PDGFRL: variants seen among roughly 807,000 people sequenced by gnomAD.
PDGFRL encodes the protein platelet-derived growth factor receptor-like protein.
A neutral mutation model predicts 37.2 loss-of-function variants in PDGFRL; 46 were observed. The ratio of observed to expected loss-of-function variants is 1.24; its 90% CI spans 0.98 to 1.58. PDGFRL has a LOEUF of 1.58. Ranked by LOEUF, PDGFRL falls within the 40% of genes most tolerant of loss-of-function variation. The probability of loss-of-function intolerance (pLI) is 0.00; values close to 1 mark genes in which losing one functional copy is unlikely to be tolerated. For synonymous variants in PDGFRL, 251 were observed against 184.3 expected (o/e 1.36, Z -2.93); for missense variants, 692 against 467.6 (o/e 1.48, Z -4.43).
At chr8:17,594,355 C>A (rs2464558) in intron 2 of PDGFRL, among the ~76,000 whole-genome samples, 5,145 of 151,302 alleles carry the variant, frequency 0.034, 219 homozygotes, top group African/African-American at 0.1. Context: ...ATTCTCCTGC[C>A]TCAGCCTCCC....
chr8:17,605,250 A>T (rs916936970), intron 2 of PDGFRL, among the ~76,000 whole-genome samples: 4 of 152,148 alleles, frequency 2.6e-5, no homozygotes, highest in African/African-American at 7.2e-5. Context: ...GAAGAAAGAC[A>T]ATGTCTCTTC....
At chr8:17,593,901 GAAAAA>G (rs374981787) in intron 2 of PDGFRL, among the ~76,000 whole-genome samples, 1 of 84,530 alleles carries the variant, frequency 1.2e-5, no homozygotes, top group African/African-American at 3.6e-5. Context: ...AAAAAAAAAA[GAAAAA>G]AAAAGAAAAA....
chr8:17,621,114 T>G lies in PDGFRL; in HGVS notation c.417T>G (p.Gly139=), dbSNP rs1585325003. 6.2e-7 allele frequency: 1 copy of G among 1,612,114 alleles called. No individual in the cohort carries two copies. The highest frequency in any genetic ancestry group is 1.1e-5 in the South Asian group (1 of 90,886). The change falls in exon 3 of 6, where the codon GGT becomes GGG. Residue 139 remains glycine, a synonymous_variant. Transcript: ENST00000251630. ...TLVNSTSADT[G]EFSCWVQLCS... ...TCAACTCCACCTCGGCAGACACAGGTGAATTCAGCTGCTGGGTGCAGCTCT... is the reference window on the plus strand; with the variant it reads ...TCAACTCCACCTCGGCAGACACAGGGGAATTCAGCTGCTGGGTGCAGCTCT...
intron 2 of PDGFRL, among the ~76,000 whole-genome samples, chr8:17,592,867 G>C (rs1803969545): frequency 6.6e-6 from 1 of 151,580 alleles, no homozygotes; most frequent in Non-Finnish European, 1.5e-5. Flanking sequence ...ATTAATGTTT[G>C]ACTGACAAGC....
At position 17,591,977 on chromosome 8, in the gene PDGFRL, A is replaced by T. The variant is rs191096144; in HGVS notation, c.353+2212A>T. Reference sequence around the variant, plus strand: ...GTATCTCAGACTCTGCATGTTCACAACGATTTATATTTCCACACAAACTGT... The same window carrying T: ...GTATCTCAGACTCTGCATGTTCACATCGATTTATATTTCCACACAAACTGT... On this transcript the variant is annotated intron_variant, in intron 2 of 5. Transcript: ENST00000251630. Among the ~76,000 whole-genome samples, 13 of 152,242 alleles carry T rather than the reference A, an allele frequency of 8.5e-5. No homozygotes were observed. In the East Asian group the frequency reaches 1.7e-3, roughly 20 times the overall value.
chr8:17,595,455 C>T (rs2705066), intron 2 of PDGFRL, among the ~76,000 whole-genome samples: 127,360 of 152,156 alleles, frequency 0.84, 55,927 homozygotes, highest in Non-Finnish European at 0.97. Context: ...TTTTGGATCC[C>T]GTAGGATCTC....
chr8:17,603,727 A>G (rs1804213136), intron 2 of PDGFRL, among the ~76,000 whole-genome samples: 1 of 152,166 alleles, frequency 6.6e-6, no homozygotes, highest in Admixed American at 6.5e-5. Flanking sequence ...TCTATATCCC[A>G]TAGATCTTTT....
At chr8:17,589,905 A>G (rs1303727801) in intron 2 of PDGFRL, 140 bp downstream of exon 2, 13 of 614,382 alleles carry the variant, frequency 2.1e-5, no homozygotes, top group Admixed American at 3.2e-5. Context: ...CTCAAAGGGC[A>G]AAAGTCACAG....
intron 2 of PDGFRL, among the ~76,000 whole-genome samples, chr8:17,610,747 C>G (rs563964521): frequency 1.3e-5 from 2 of 152,166 alleles, no homozygotes; most frequent in African/African-American, 4.8e-5. Context: ...CCCGTCACTA[C>G]TAAACACACA....
intron 2 of PDGFRL, among the ~76,000 whole-genome samples, chr8:17,594,081 C>G (rs1271368203): frequency 6.6e-6 from 1 of 151,668 alleles, no homozygotes; most frequent in Non-Finnish European, 1.5e-5. Context: ...ATGAGTTTGA[C>G]AACTCTAGGT....
chr8:17,578,615 A>T (rs946997510), intron 1 of PDGFRL, among the ~76,000 whole-genome samples: 4 of 152,166 alleles, frequency 2.6e-5, no homozygotes, highest in Non-Finnish European at 4.4e-5. Context: ...CATTTTTTGA[A>T]TAGGGCAGGA....
chr8:17,627,128 G>T (rs1028544885), intron 3 of PDGFRL, among the ~76,000 whole-genome samples: 4 of 152,172 alleles, frequency 2.6e-5, no homozygotes, highest in African/African-American at 4.8e-5. Context: ...ATGCTTCCTG[G>T]CTGGCAGTTA....
chr8:17,634,304 C>G, intron 5 of PDGFRL, 91 bp downstream of exon 5: 3 of 988,622 alleles, frequency 3.0e-6, no homozygotes, highest in Non-Finnish European at 4.6e-6. Flanking sequence ...CCACCCAGTG[C>G]TATATGCCAT....
chr8:17,616,746 C>T (rs1804538140), intron 2 of PDGFRL, among the ~76,000 whole-genome samples: 1 of 152,136 alleles, frequency 6.6e-6, no homozygotes, highest in South Asian at 2.1e-4. Flanking sequence ...GGAGCAGGGA[C>T]TTCTCTAGAC....
At chr8:17,638,020 T>A (rs1458536072) in intron 5 of PDGFRL, among the ~76,000 whole-genome samples, 1 of 152,208 alleles carries the variant, frequency 6.6e-6, no homozygotes, top group East Asian at 1.9e-4. Flanking sequence ...TTTGTTTATC[T>A]TTTGTATTTT....
intron 2 of PDGFRL, among the ~76,000 whole-genome samples, chr8:17,603,760 T>A (rs147556018): frequency 7.9e-5 from 12 of 152,206 alleles, no homozygotes; most frequent in African/African-American, 2.9e-4. Context: ...GACAATTAAA[T>A]AAGCAATTTT....
At chr8:17,632,173 C>T (rs917991745) in intron 4 of PDGFRL, among the ~76,000 whole-genome samples, 1 of 152,190 alleles carries the variant, frequency 6.6e-6, no homozygotes, top group Admixed American at 6.5e-5. Context: ...CCTCCCGATC[C>T]TTTCTACTTT....
intron 4 of PDGFRL, among the ~76,000 whole-genome samples, chr8:17,629,951 C>G (rs1189711916): frequency 6.6e-6 from 1 of 152,184 alleles, no homozygotes; most frequent in African/African-American, 2.4e-5. Flanking sequence ...CACATCAGTA[C>G]TCACTACCCA....
intron 1 of PDGFRL, among the ~76,000 whole-genome samples, chr8:17,587,223 G>T (rs991834391): frequency 1.9e-4 from 29 of 152,242 alleles, no homozygotes; most frequent in Non-Finnish European, 1.9e-4. Context: ...GGGGCTATTT[G>T]GTCAAAAGGT....
Sources: gnomAD v4.1 joint callset for allele counts (sites outside exome capture counted in the v4.1 genomes callset) on GRCh38, gnomAD v4.1.1 for gene constraint, MANE v1.5 for transcripts, NCBI Gene and HGNC (gene_info 2026-07-23, HGNC 2026-07-21) for gene names.